The following GLP2R variants were observed in gnomAD, a reference collection of about 807,000 sequenced individuals.
The protein encoded by GLP2R is glucagon like peptide 2 receptor.
GLP2R carries 59 observed loss-of-function variants against 68.2 expected under a neutral mutation model. That is an observed-to-expected ratio of 0.87 (90% confidence interval 0.70 to 1.07). GLP2R has a LOEUF of 1.07. GLP2R is among the 50% of genes least tolerant of loss of function. The pLI, the probability that GLP2R is intolerant of heterozygous loss-of-function variation, is 0.00. For missense variants in GLP2R, 548 were observed against 677.4 expected, an observed-to-expected ratio of 0.81 and a Z score of 2.12; for synonymous variants, 270 against 265.4, an observed-to-expected ratio of 1.02 and a Z score of -0.17.
chr17:9,848,160 G>A (rs1367219093), intron 4 of GLP2R, among the ~76,000 whole-genome samples: 2 of 152,190 alleles, frequency 1.3e-5, no homozygotes, highest in Non-Finnish European at 2.9e-5. Context: ...ACCTGTAGTT[G>A]GATTAGATCC....
chr17:9,860,670 A>G (rs891452654), intron 7 of GLP2R, among the ~76,000 whole-genome samples: 78 of 152,256 alleles, frequency 5.1e-4, no homozygotes, highest in African/African-American at 1.6e-3. Context: ...TCCAAATACC[A>G]TCACTGGGGT....
chr17:9,862,662 G>A (rs1457965329), intron 9 of GLP2R, among the ~76,000 whole-genome samples: 2 of 152,132 alleles, frequency 1.3e-5, no homozygotes, highest in Non-Finnish European at 2.9e-5. Context: ...TAGATAATAG[G>A]GTGTGAGAAT....
chr17:9,861,966 T>C (rs1278870040), intron 8 of GLP2R, 55 bp from the exon 9 acceptor site: 7 of 1,252,954 alleles, frequency 5.6e-6, no homozygotes, highest in Admixed American at 3.4e-5. Flanking sequence ...GCTTTGACTT[T>C]CAACCTCCTC....
intron 1 of GLP2R, among the ~76,000 whole-genome samples, chr17:9,827,352 A>T (rs2066641814): frequency 6.6e-6 from 1 of 152,216 alleles, no homozygotes; most frequent in African/African-American, 2.4e-5. Flanking sequence ...TGTTCTCAGC[A>T]ACCCTATAGA....
At chr17:9,883,546 G>T (rs2067215680) in intron 11 of GLP2R, among the ~76,000 whole-genome samples, 1 of 152,110 alleles carries the variant, frequency 6.6e-6, no homozygotes, top group Admixed American at 6.6e-5. Flanking sequence ...AGAAATTCAT[G>T]CCTGGAAACA....
intron 4 of GLP2R, among the ~76,000 whole-genome samples, chr17:9,844,589 G>A (rs1251088570): frequency 6.8e-6 from 1 of 146,016 alleles, no homozygotes; most frequent in Admixed American, 6.9e-5. Context: ...CCCTTGAGGA[G>A]ACTTAAAAAT....
chr17:9,829,477 A>T (rs535060022), intron 1 of GLP2R, among the ~76,000 whole-genome samples: 2 of 152,224 alleles, frequency 1.3e-5, no homozygotes, highest in Non-Finnish European at 2.9e-5. Context: ...TAATCACAGC[A>T]TCATTTACGT....
intron 4 of GLP2R, among the ~76,000 whole-genome samples, chr17:9,846,585 C>T (rs150975596): frequency 0.017 from 2,598 of 152,276 alleles, 73 homozygotes; most frequent in African/African-American, 0.059. Context: ...TGCCACTGCA[C>T]TCCAGCTTTG....
chr17:9,870,713 C>A, intron 9 of GLP2R, 34 bp from the exon 10 acceptor site: 1 of 971,704 alleles, frequency 1.0e-6, no homozygotes, highest in Non-Finnish European at 1.7e-6. Flanking sequence ...TGGAATTCGT[C>A]ACTTACTTAC....
chr17:9,879,095 T>G (rs114932257), intron 10 of GLP2R, among the ~76,000 whole-genome samples: 155 of 151,882 alleles, frequency 1.0e-3, no homozygotes, highest in African/African-American at 3.6e-3. Context: ...TGTATACTTC[T>G]CAGGATCCAT....
intron 4 of GLP2R, among the ~76,000 whole-genome samples, chr17:9,850,970 G>A (rs959462974): frequency 6.6e-6 from 1 of 152,036 alleles, no homozygotes; most frequent in African/African-American, 2.4e-5. Flanking sequence ...TGGGATTACA[G>A]GCTTGTGAAG....
intron 11 of GLP2R, among the ~76,000 whole-genome samples, chr17:9,881,737 G>A (rs2067198630): frequency 6.6e-6 from 1 of 152,126 alleles, no homozygotes; most frequent in Non-Finnish European, 1.5e-5. Flanking sequence ...GCTGCATTCT[G>A]TCATTTAAAG....
At chr17:9,856,017 C>T (rs1165131730) in intron 5 of GLP2R, among the ~76,000 whole-genome samples, 1 of 152,218 alleles carries the variant, frequency 6.6e-6, no homozygotes, top group African/African-American at 2.4e-5. Flanking sequence ...AAACCAGCTC[C>T]AGAGCACCTC....
At chr17:9,883,441 T>A (rs756307950) in intron 11 of GLP2R, among the ~76,000 whole-genome samples, 1 of 152,076 alleles carries the variant, frequency 6.6e-6, no homozygotes, top group Non-Finnish European at 1.5e-5. Context: ...GAATAAATAT[T>A]TGGATAAATA....
intron 1 of GLP2R, among the ~76,000 whole-genome samples, chr17:9,829,452 C>G (rs2066661076): frequency 6.6e-6 from 1 of 151,374 alleles, no homozygotes; most frequent in Non-Finnish European, 1.5e-5. Context: ...CTCAAATGTT[C>G]AACTATGAGG....
At chr17:9,879,449 A>G (rs2067174154) in intron 10 of GLP2R, among the ~76,000 whole-genome samples, 1 of 152,104 alleles carries the variant, frequency 6.6e-6, no homozygotes, top group Non-Finnish European at 1.5e-5. Context: ...GTGAGCTAGA[A>G]TCGTGCTACT....
In GLP2R at chr17:9,861,311, G is replaced by C. The variant is rs1389843264; in HGVS notation, c.986+112G>C. 4.0e-6 allele frequency: 3 copies of C among 748,504 alleles called. No homozygotes were observed. The Admixed American group carries it at 6.1e-5, about 15-fold the overall frequency. The allele number at this position is 748,504 out of a possible 1,614,324, so 46.4% of individuals were successfully genotyped here. On this transcript the variant is annotated intron_variant, in intron 8 of 12. Coordinates refer to ENST00000262441, the MANE Select transcript of GLP2R (RefSeq NM_004246.3). ...GAAAATATCTATCCCTTCTCATTTTGGCCATCTAGAATATTCTTAGGAATG... is the reference window on the plus strand; with the variant it reads ...GAAAATATCTATCCCTTCTCATTTTCGCCATCTAGAATATTCTTAGGAATG...
At chr17:9,834,582 A>C (rs2152030555) in intron 2 of GLP2R, 1 of 152,604 alleles carries the variant, frequency 6.6e-6, no homozygotes, top group Non-Finnish European at 1.5e-5. Context: ...CCACCTCCAA[A>C]AGAAAAAAAG....
chr17:9,879,720 C>T (rs2067177716), intron 10 of GLP2R, among the ~76,000 whole-genome samples: 2 of 152,142 alleles, frequency 1.3e-5, no homozygotes, highest in Admixed American at 6.5e-5. Flanking sequence ...AGTCTATATA[C>T]AACAGTGAAC....
Sources: allele counts gnomAD v4.1 joint callset (sites outside exome capture counted in the v4.1 genomes callset), GRCh38; gene constraint gnomAD v4.1.1; transcripts MANE v1.5; gene names NCBI Gene and HGNC (gene_info 2026-07-23, HGNC 2026-07-21).